The following CEP112 variants were observed in gnomAD, a reference collection of about 807,000 sequenced individuals.
The protein encoded by CEP112 is centrosomal protein 112, also known as centrosomal protein of 112 kDa.
CEP112 carries 127 observed loss-of-function variants against 153.0 expected under a neutral mutation model. That is an observed-to-expected ratio of 0.83 (90% CI 0.72 to 0.96). CEP112 has a LOEUF of 0.96. CEP112 is among the 40% of genes least tolerant of loss of function. The pLI is 0.00. For synonymous variants in CEP112, 358 were observed against 374.4 expected (o/e 0.96, Z 0.51); for missense variants, 1,089 against 1,101.2 (o/e 0.99, Z 0.16).
At chr17:66,142,250 A>C (rs927960824) in intron 4 of CEP112, among the ~76,000 whole-genome samples, 1 of 152,190 alleles carries the variant, frequency 6.6e-6, no homozygotes, top group Admixed American at 6.5e-5. Flanking sequence ...TATAGATTGA[A>C]TATTAACCTA....
intron 12 of CEP112, among the ~76,000 whole-genome samples, chr17:66,051,766 T>C (rs1209233386): frequency 6.6e-6 from 1 of 152,200 alleles, no homozygotes; most frequent in African/African-American, 2.4e-5. Flanking sequence ...CTGGGGAGGT[T>C]GTGAATGGTA....
At chr17:65,862,603 A>G (rs1313220893) in intron 20 of CEP112, among the ~76,000 whole-genome samples, 3 of 151,942 alleles carry the variant, frequency 2.0e-5, no homozygotes, top group Non-Finnish European at 2.9e-5. Context: ...AATAATAATA[A>G]TATGTTCCAA....
At chr17:65,834,979 T>C (rs1458621461) in intron 21 of CEP112, among the ~76,000 whole-genome samples, 1 of 151,966 alleles carries the variant, frequency 6.6e-6, no homozygotes, top group Non-Finnish European at 1.5e-5. Flanking sequence ...ATAAAGACAA[T>C]GTGATACATA....
intron 19 of CEP112, among the ~76,000 whole-genome samples, chr17:65,905,787 AAAAC>A (rs1568204571): frequency 6.6e-6 from 1 of 151,964 alleles, no homozygotes; most frequent in Non-Finnish European, 1.5e-5. Context: ...AACAAAAACA[AAAAC>A]AAAATTAGCC....
At chr17:65,665,399 C>G (rs190606577) in intron 24 of CEP112, among the ~76,000 whole-genome samples, 1 of 152,320 alleles carries the variant, frequency 6.6e-6, no homozygotes, top group East Asian at 1.9e-4. Flanking sequence ...TTCATTAACC[C>G]AGGTCATATG....
intron 17 of CEP112, among the ~76,000 whole-genome samples, chr17:65,969,650 G>A (rs1205782104): frequency 6.6e-6 from 1 of 152,190 alleles, no homozygotes; most frequent in African/African-American, 2.4e-5. Context: ...AAGCATATAT[G>A]ACATGTATAA....
chr17:66,060,817 T>A (rs2066893497), intron 11 of CEP112, among the ~76,000 whole-genome samples: 1 of 148,574 alleles, frequency 6.7e-6, no homozygotes, highest in Non-Finnish European at 1.5e-5. Flanking sequence ...GGAGAAAACA[T>A]AGAGGAAAAG....
At chr17:65,942,763 A>G (rs1052452196) in intron 18 of CEP112, among the ~76,000 whole-genome samples, 3 of 152,214 alleles carry the variant, frequency 2.0e-5, no homozygotes, top group African/African-American at 7.2e-5. Context: ...TCAAGGTTCT[A>G]TTACTAATAA....
chr17:65,771,631 C>G (rs556566434), intron 21 of CEP112, among the ~76,000 whole-genome samples: 1 of 152,132 alleles, frequency 6.6e-6, no homozygotes, highest in East Asian at 1.9e-4. Context: ...AATGCTCTGA[C>G]CATAAAGAAA....
At chr17:66,163,931 A>G (rs2071821529) in intron 4 of CEP112, among the ~76,000 whole-genome samples, 1 of 152,216 alleles carries the variant, frequency 6.6e-6, no homozygotes, top group South Asian at 2.1e-4. Flanking sequence ...AGAAAGAAAA[A>G]GAGAAATGTG....
At chr17:65,947,131 T>C (rs1303955453) in intron 18 of CEP112, among the ~76,000 whole-genome samples, 4 of 152,200 alleles carry the variant, frequency 2.6e-5, no homozygotes, top group Non-Finnish European at 5.9e-5. Context: ...AAGAAACTCA[T>C]AGTCACACAA....
intron 19 of CEP112, among the ~76,000 whole-genome samples, chr17:65,916,250 AGTGTGTGTGTGTGTGTGTGTGTGT>A (rs3222034): frequency 7.7e-6 from 1 of 129,878 alleles, no homozygotes; most frequent in Non-Finnish European, 1.6e-5. Flanking sequence ...TTTGAAAAAG[AGTGTGTGTGTGTGTGTGTGTGTGT>A]GTGTGTGTGT....
At position 65,813,665 on chromosome 17, in the gene CEP112, G is replaced by A. The variant is rs144676469; in HGVS notation, c.2394+38139C>T. On this transcript the variant is annotated intron_variant, in intron 21 of 26. Coordinates refer to ENST00000535342, the MANE Select transcript of CEP112 (RefSeq NM_001199165.4). ...CCTACAATTCTAAAGCATTCAGTGAGTTGGGAGAATTAAAGTAGATAAGGT... is the reference window on the plus strand; with the variant it reads ...CCTACAATTCTAAAGCATTCAGTGAATTGGGAGAATTAAAGTAGATAAGGT... 2.9e-3 allele frequency among the ~76,000 whole-genome samples: 439 copies of A among 152,308 alleles called. 1 individual carries two copies. Among genetic ancestry groups the A allele is most frequent in the Non-Finnish European group, 4.8e-3 (327 of 68,036 alleles).
chr17:65,723,191 T>G (rs1358886509), intron 23 of CEP112, among the ~76,000 whole-genome samples: 1 of 152,158 alleles, frequency 6.6e-6, no homozygotes, highest in African/African-American at 2.4e-5. Flanking sequence ...TAGGTAGACA[T>G]GAACTTACAA....
Position 65,748,603 on chromosome 17 carries a change from T to C in CEP112, c.2457+2059A>G, listed in dbSNP as rs144965872. On this transcript the variant is annotated intron_variant, in intron 22 of 26. Transcript: ENST00000535342. ...GTGCTTTAGTGTGTACTAGGTACTATACTGAACACATTTTTGGCATTGTTT... is the reference window on the plus strand; with the variant it reads ...GTGCTTTAGTGTGTACTAGGTACTACACTGAACACATTTTTGGCATTGTTT... Among the ~76,000 whole-genome samples the C allele has an allele frequency of 1.6e-4, 24 of 152,372 alleles. No individual in the cohort carries two copies. In the East Asian group the frequency reaches 3.3e-3, roughly 21 times the overall value.
intron 23 of CEP112, among the ~76,000 whole-genome samples, chr17:65,709,929 T>C (rs1408588063): frequency 6.6e-6 from 1 of 152,190 alleles, no homozygotes; most frequent in African/African-American, 2.4e-5. Context: ...CATCAGTAGT[T>C]CTGCTCTATC....
chr17:66,033,642 A>AT (rs1452308286), intron 12 of CEP112, among the ~76,000 whole-genome samples: 1 of 152,160 alleles, frequency 6.6e-6, no homozygotes, highest in Non-Finnish European at 1.5e-5. Context: ...CTCCACCTAA[A>AT]TGTCATCTTG....
intron 17 of CEP112, among the ~76,000 whole-genome samples, chr17:65,981,110 C>T (rs540099128): frequency 6.6e-6 from 1 of 152,124 alleles, no homozygotes; most frequent in Non-Finnish European, 1.5e-5. Flanking sequence ...GCCACCACGC[C>T]CGGCCATCTT....
intron 12 of CEP112, among the ~76,000 whole-genome samples, chr17:66,050,223 T>C (rs983888485): frequency 3.9e-5 from 6 of 152,244 alleles, no homozygotes; most frequent in African/African-American, 7.2e-5. Context: ...GAAATGGATA[T>C]TGAGATAAAG....
Sources: allele counts gnomAD v4.1 joint callset (sites outside exome capture counted in the v4.1 genomes callset), GRCh38; gene constraint gnomAD v4.1.1; transcripts MANE v1.5; gene names NCBI Gene and HGNC (gene_info 2026-07-23, HGNC 2026-07-21).